Variants in SKI observed in about 807,000 individuals in gnomAD.
SKI encodes ski oncogene.
In SKI, 23 loss-of-function variants were observed where a neutral mutation model predicts 59.3. That is an observed-to-expected ratio of 0.39 (90% confidence interval 0.28 to 0.55). The LOEUF (loss-of-function observed/expected upper bound fraction) is 0.55, where lower values mean the gene tolerates loss of function less well. Among genes scored for constraint, SKI ranks in the 20% least tolerant of loss-of-function variants. The pLI is 0.67. For synonymous variants in SKI, 673 were observed against 488.6 expected (o/e 1.38, Z -4.98); for missense variants, 1,017 against 1,038.9 (o/e 0.98, Z 0.29).
At chr1:2,240,830 C>T (rs184893991) in intron 1 of SKI, 1,001 of 983,804 alleles carry the variant, frequency 1.0e-3, no homozygotes, top group Non-Finnish European at 1.2e-3. Context: ...TAGGAAAATC[C>T]GTGCTGCCCA....
chr1:2,303,109 G>A lies in SKI; in HGVS notation c.1095+6G>A, dbSNP rs368566535. ...TGGCCGGCTCTTCCAATAAGGTGCT[G>A]TGGGGCCTGTCGGGGTCCTTGGGGT... On this transcript the variant is annotated splice_donor_region_variant and intron_variant, in intron 2 of 6. Transcript: ENST00000378536. This position sits in a 1 kb window ranked among gnomAD's most constrained non-coding sequence, Gnocchi z 5.6. 19 of 1,613,126 alleles carry A rather than the reference G, an allele frequency of 1.2e-5. No homozygotes were observed. The African/African-American group carries it at 1.9e-4, about 16-fold the overall frequency.
intron 1 of SKI, among the ~76,000 whole-genome samples, chr1:2,273,838 G>A (rs1481861984): frequency 2.6e-5 from 4 of 152,222 alleles, no homozygotes; most frequent in Non-Finnish European, 4.4e-5. Flanking sequence ...TGGACCGGGT[G>A]CGGATGGGCC....
chr1:2,248,169 G>C (rs1451409566), intron 1 of SKI: 1 of 152,282 alleles, frequency 6.6e-6, no homozygotes, highest in African/African-American at 2.4e-5. Flanking sequence ...TGCCTTTCCA[G>C]GCCCTGAGGC....
chr1:2,263,412 A>AT (rs1224983156), intron 1 of SKI, among the ~76,000 whole-genome samples: 1 of 149,654 alleles, frequency 6.7e-6, no homozygotes, highest in Non-Finnish European at 1.5e-5. Flanking sequence ...TAATTTTTGT[A>AT]TTTTTAATAG....
At chr1:2,240,491 G>C (rs1181641062) in intron 1 of SKI, 2 of 985,318 alleles carry the variant, frequency 2.0e-6, no homozygotes, top group Non-Finnish European at 2.4e-6. Flanking sequence ...AGGAGGTCCC[G>C]TGGGTGGTGG....
At chr1:2,232,856 C>T (rs911324950) in intron 1 of SKI, among the ~76,000 whole-genome samples, 4 of 152,226 alleles carry the variant, frequency 2.6e-5, no homozygotes, top group African/African-American at 9.6e-5. Flanking sequence ...AGGTGGGGCA[C>T]AGATGGGTCA....
chr1:2,300,900 G>T (rs1039682419), intron 1 of SKI, among the ~76,000 whole-genome samples: 1 of 152,114 alleles, frequency 6.6e-6, no homozygotes, highest in Non-Finnish European at 1.5e-5. Flanking sequence ...CCGGGCCTAC[G>T]GTCCTCCCGC....
intron 1 of SKI, among the ~76,000 whole-genome samples, chr1:2,287,888 CCT>C (rs1640077888): frequency 6.6e-6 from 1 of 152,250 alleles, no homozygotes; most frequent in African/African-American, 2.4e-5. Context: ...CACCCCGAGC[CCT>C]GAGCCCCGCC....
Position 2,306,751 on chromosome 1 carries a change from G to GGC in SKI, c.2173_2174insGC (p.Glu725GlyfsTer53). On this transcript the variant is annotated frameshift_variant, in exon 7 of 7. Coordinates refer to ENST00000378536, the MANE Select transcript of SKI (RefSeq NM_003036.4). LOFTEE classifies it high-confidence loss of function. ...GGCTGCGGGCAGCGAGGGCGCTGCG[G>GGC]AGCTGGAGCCGTAGATTCCGTGCCT... 3 of 1,523,008 alleles carry GGC rather than the reference G, an allele frequency of 2.0e-6. No homozygotes were observed. The highest frequency in any genetic ancestry group is 1.8e-6 in the Non-Finnish European group (2 of 1,138,424). 94.3% of individuals were successfully genotyped at this position (1,523,008 alleles called of 1,614,324 possible). A position where few individuals can be genotyped will look rare whatever the true frequency, so the allele number is the denominator to read the frequency against.
In SKI at chr1:2,268,529, G is replaced by A. The variant is rs754025953; in HGVS notation, c.970-34449G>A. On this transcript the variant is annotated intron_variant, in intron 1 of 6. Coordinates refer to ENST00000378536, the MANE Select transcript of SKI (RefSeq NM_003036.4). This position sits in a 1 kb window ranked among gnomAD's most constrained non-coding sequence, Gnocchi z 5.0. ...TGGGGACTCCTCTGGCCTCCCCAGC[G>A]GTGCTGAGCCGTCACTGCAGGGCAG... Among the ~76,000 whole-genome samples the A allele has an allele frequency of 8.5e-5, 13 of 152,226 alleles. No individual in the cohort carries two copies. The highest frequency in any genetic ancestry group is 3.9e-4 in the East Asian group (2 of 5,194).
chr1:2,247,771 G>A (rs1034930133), intron 1 of SKI, among the ~76,000 whole-genome samples: 2 of 152,234 alleles, frequency 1.3e-5, no homozygotes, highest in African/African-American at 2.4e-5. Flanking sequence ...GGGCCCCACA[G>A]GTGCCCTTGG....
intron 1 of SKI, among the ~76,000 whole-genome samples, chr1:2,247,726 G>A (rs759281074): frequency 6.6e-6 from 1 of 152,258 alleles, no homozygotes; most frequent in Non-Finnish European, 1.5e-5. Context: ...CCCAGGGCCT[G>A]CTCCTGGCAT....
chr1:2,286,460 C>A (rs1371353432), intron 1 of SKI, among the ~76,000 whole-genome samples: 2 of 152,202 alleles, frequency 1.3e-5, no homozygotes, highest in African/African-American at 4.8e-5. Flanking sequence ...GATGCTACCG[C>A]ACTCAGCCTG....
At chr1:2,290,901 G>A (rs780169191) in intron 1 of SKI, among the ~76,000 whole-genome samples, 1 of 152,248 alleles carries the variant, frequency 6.6e-6, no homozygotes, top group Non-Finnish European at 1.5e-5. Context: ...TGCCGCTTCT[G>A]TGTTCCGCAT....
rs1640485790 is a variant in SKI at position 2,303,691 on chromosome 1, G to A, written c.1212-149G>A. 6.2e-6 allele frequency: 7 copies of A among 1,132,104 alleles called. No homozygotes were observed. Among genetic ancestry groups the A allele is most frequent in the African/African-American group, 1.5e-5 (1 of 64,550 alleles). 70.1% of individuals were successfully genotyped at this position (1,132,104 alleles called of 1,614,324 possible). A position where few individuals can be genotyped will look rare whatever the true frequency, so the allele number is the denominator to read the frequency against. Reference sequence around the variant, plus strand: ...ACCCAGCAAGCAGAAAACGCTTACGGGTTCTTAGGGAACTGTAAGCTTGAC... The same window carrying A: ...ACCCAGCAAGCAGAAAACGCTTACGAGTTCTTAGGGAACTGTAAGCTTGAC... On this transcript the variant is annotated intron_variant, in intron 3 of 6. Coordinates refer to ENST00000378536, the MANE Select transcript of SKI (RefSeq NM_003036.4). This position sits in a 1 kb window ranked among gnomAD's most constrained non-coding sequence, Gnocchi z 5.6.
chr1:2,261,261 C>T (rs76545052), intron 1 of SKI, among the ~76,000 whole-genome samples: 5,492 of 152,268 alleles, frequency 0.036, 144 homozygotes, highest in Non-Finnish European at 0.053. Context: ...TACAGCTATT[C>T]GGGATCTTCC....
chr1:2,300,278 A>G (rs1640393013), intron 1 of SKI, among the ~76,000 whole-genome samples: 1 of 152,198 alleles, frequency 6.6e-6, no homozygotes, highest in Non-Finnish European at 1.5e-5. Flanking sequence ...GGGCTTTGGG[A>G]TGGGGCAGCC....
At chr1:2,230,162 T>C (rs1638601103) in intron 1 of SKI, among the ~76,000 whole-genome samples, 1 of 152,172 alleles carries the variant, frequency 6.6e-6, no homozygotes, top group Non-Finnish European at 1.5e-5. Flanking sequence ...AAGGTGGCTG[T>C]CCTCGCCCCG....
intron 1 of SKI, among the ~76,000 whole-genome samples, chr1:2,288,818 T>C (rs1640100266): frequency 6.6e-6 from 1 of 152,020 alleles, no homozygotes; most frequent in African/African-American, 2.4e-5. Flanking sequence ...TTGTCTCAGG[T>C]ACCAAGTTCG....
Sources: gnomAD v4.1 joint callset for allele counts (sites outside exome capture counted in the v4.1 genomes callset) on GRCh38, gnomAD v4.1.1 for gene constraint, Gnocchi (gnomAD v3.1) non-coding constraint, MANE v1.5 for transcripts, NCBI Gene and HGNC (gene_info 2026-07-23, HGNC 2026-07-21) for gene names.